UMODL1: variants seen among roughly 807,000 people sequenced by gnomAD.
UMODL1 encodes uromodulin like 1.
Under a neutral mutation model 136.3 loss-of-function variants are expected in UMODL1, and 128 were observed. The ratio of observed to expected loss-of-function variants is 0.94; its 90% CI spans 0.81 to 1.09. UMODL1 has a LOEUF of 1.09. Among genes scored for constraint, UMODL1 ranks in the 50% least tolerant of loss-of-function variants. The pLI, the probability that UMODL1 is intolerant of heterozygous loss-of-function variation, is 0.00. For synonymous variants in UMODL1, 721 were observed against 720.0 expected (o/e 1.00, Z -0.02); for missense variants, 1,766 against 1,725.6 (o/e 1.02, Z -0.41).
rs188986823 is a variant in UMODL1, at chr21:42,089,808, C to T, written c.791-490C>T. Among the ~76,000 whole-genome samples the T allele has an allele frequency of 3.2e-3, 493 of 152,332 alleles. 2 individuals carry two copies. Among genetic ancestry groups the T allele is most frequent in the Non-Finnish European group, 5.7e-3 (389 of 68,038 alleles). On this transcript the variant is annotated intron_variant, in intron 5 of 22. Coordinates refer to ENST00000408910, the MANE Select transcript of UMODL1 (RefSeq NM_001004416.3). ...TTTTGTGGGTGACACATGAGCTTATCGCGCTGTCTGTACTTAGACAGCATT... is the reference window on the plus strand; with the variant it reads ...TTTTGTGGGTGACACATGAGCTTATTGCGCTGTCTGTACTTAGACAGCATT...
intron 2 of UMODL1, among the ~76,000 whole-genome samples, chr21:42,082,663 T>C (rs2066375826): frequency 6.6e-6 from 1 of 152,156 alleles, no homozygotes; most frequent in Admixed American, 6.5e-5. Context: ...GGAGCTCCCA[T>C]CTTCTCAGCT....
chr21:42,087,196 C>T (rs547061990), intron 4 of UMODL1, among the ~76,000 whole-genome samples: 12 of 152,276 alleles, frequency 7.9e-5, no homozygotes, highest in South Asian at 2.1e-4. Context: ...CCTGCAGAAG[C>T]GCCTGCCTTG....
intron 12 of UMODL1, 131 bp downstream of exon 12, chr21:42,111,841 G>T: frequency 1.0e-6 from 1 of 999,656 alleles, no homozygotes; most frequent in Non-Finnish European, 1.4e-6. Flanking sequence ...TCCTCATCTT[G>T]TGCGTGTGGA....
At chr21:42,102,080 G>C in intron 7 of UMODL1, 86 bp from the exon 8 acceptor site, 1 of 1,009,994 alleles carries the variant, frequency 9.9e-7, no homozygotes, top group Non-Finnish European at 1.5e-6. Context: ...AAATTATCCC[G>C]CCAAAGAGTA....
intron 14 of UMODL1, among the ~76,000 whole-genome samples, chr21:42,118,389 C>A (rs546820689): frequency 4.5e-4 from 69 of 152,304 alleles, no homozygotes; most frequent in African/African-American, 1.5e-3. Context: ...TGAGGACAAA[C>A]CCTGGAAGTA....
chr21:42,063,550 C>G (rs2066158509), intron 1 of UMODL1, among the ~76,000 whole-genome samples: 1 of 152,236 alleles, frequency 6.6e-6, no homozygotes, highest in Non-Finnish European at 1.5e-5. Context: ...AAGGTCCTTC[C>G]TCCTGAGCGA....
chr21:42,125,512 C>T (rs1266922017), intron 17 of UMODL1, among the ~76,000 whole-genome samples: 2 of 152,234 alleles, frequency 1.3e-5, no homozygotes, highest in African/African-American at 4.8e-5. Flanking sequence ...TCAACAGCTA[C>T]AAAACCTTCC....
intron 20 of UMODL1, 58 bp from the exon 21 acceptor site, chr21:42,129,655 T>C: frequency 1.4e-6 from 2 of 1,462,612 alleles, no homozygotes; most frequent in Non-Finnish European, 1.8e-6. Flanking sequence ...AGTAGCTCCT[T>C]TCTCATAAAT....
Position 42,099,686 on chromosome 21 carries a change from G to A in UMODL1, c.1186+506G>A, listed in dbSNP as rs220316. On this transcript the variant is annotated intron_variant, in intron 7 of 22. Coordinates refer to ENST00000408910, the MANE Select transcript of UMODL1 (RefSeq NM_001004416.3). The surrounding 1 kb of genome is among the most constrained non-coding windows in gnomAD (Gnocchi z 4.1). ...CACCACATTGGTGCTGGGACAAAAC[G>A]TTTTTTCTTTTTGAGACAGGGTCTC... 0.28 allele frequency among the ~76,000 whole-genome samples: 42,507 copies of A among 151,796 alleles called. 6,170 individuals carry two copies. Among genetic ancestry groups the A allele is most frequent in the East Asian group, 0.36 (1,860 of 5,126 alleles).
intron 8 of UMODL1, chr21:42,103,242 C>A (rs1310630423): frequency 9.4e-6 from 2 of 213,290 alleles, no homozygotes; most frequent in Non-Finnish European, 1.9e-5. Flanking sequence ...TGCCAGAGAC[C>A]CACAGAGTGT....
chr21:42,066,315 C>T (rs2066182234), intron 1 of UMODL1, among the ~76,000 whole-genome samples: 1 of 152,260 alleles, frequency 6.6e-6, no homozygotes. Context: ...CGGAGTCTCG[C>T]TCTGTCGCCC....
intron 20 of UMODL1, among the ~76,000 whole-genome samples, chr21:42,128,604 T>C (rs2067093527): frequency 6.6e-6 from 1 of 152,202 alleles, no homozygotes; most frequent in African/African-American, 2.4e-5. Flanking sequence ...GCTCAAACAC[T>C]AGATCTTCCT....
chr21:42,084,685 C>T (rs950793850), intron 3 of UMODL1, among the ~76,000 whole-genome samples: 1 of 151,770 alleles, frequency 6.6e-6, no homozygotes, highest in African/African-American at 2.4e-5. Flanking sequence ...TTGGGGTCTG[C>T]ATCCAGGAGA....
rs540057926 is a variant in UMODL1 at position 42,091,547 on chromosome 21, G to C, written c.931+1109G>C. Among the ~76,000 whole-genome samples the C allele has an allele frequency of 4.6e-5, 7 of 152,344 alleles. No individual in the cohort carries two copies. In the South Asian group the frequency reaches 1.4e-3, roughly 32 times the overall value. On this transcript the variant is annotated intron_variant, in intron 6 of 22. Transcript: ENST00000408910. ...TCTGAGTGCAGGAGTCTAGGGTGTG[G>C]AAGGTGGTGGAGAAAGGGATTCCGG...
intron 12 of UMODL1, among the ~76,000 whole-genome samples, chr21:42,112,304 T>C (rs889910693): frequency 7.3e-5 from 11 of 149,930 alleles, no homozygotes; most frequent in African/African-American, 2.8e-4. Context: ...AGCTGTTCTG[T>C]ATCTCCCCAG....
At chr21:42,136,211 T>C (rs1042651449) in intron 21 of UMODL1, among the ~76,000 whole-genome samples, 1 of 152,162 alleles carries the variant, frequency 6.6e-6, no homozygotes, top group Non-Finnish European at 1.5e-5. Context: ...AAAATTAAAC[T>C]GAGATGAAAT....
upstream of UMODL1, among the ~76,000 whole-genome samples, chr21:42,067,056 C>A (rs1196940320): frequency 1.3e-5 from 2 of 151,788 alleles, no homozygotes; most frequent in Non-Finnish European, 2.9e-5. Flanking sequence ...CTCACTGCAA[C>A]CTCCGCCTCC....
Position 42,127,070 on chromosome 21 carries a change from A to C in UMODL1, c.3358A>C (p.Ile1120Leu), listed in dbSNP as rs1166935823. 2.5e-6 allele frequency: 4 copies of C among 1,614,066 alleles called. No homozygotes were observed. The Admixed American group carries it at 6.7e-5, about 27-fold the overall frequency. The change falls in exon 19 of 23, where the codon ATC (isoleucine) becomes CTC (leucine). Residue 1120 changes from isoleucine (I) to leucine (L), a missense_variant. By Grantham distance (5) the Ile-to-Leu change is conservative. Transcript: ENST00000408910. ...GNFVTEMQLFIGDSPIPQNYS... is the reference protein window; with the variant it reads ...GNFVTEMQLFLGDSPIPQNYS... ...TTTTGTTACCGAAATGCAGTTGTTT[A>C]TCGGAGACTCTCCCATACCTCAGAA...
intron 22 of UMODL1, among the ~76,000 whole-genome samples, chr21:42,138,563 T>A (rs993022774): frequency 2.6e-5 from 4 of 151,274 alleles, no homozygotes; most frequent in African/African-American, 9.7e-5. Context: ...CTGGGACTTT[T>A]GTAAAGATTT....
Sources: allele counts gnomAD v4.1 joint callset (sites outside exome capture counted in the v4.1 genomes callset), GRCh38; gene constraint gnomAD v4.1.1; non-coding constraint Gnocchi (gnomAD v3.1); transcripts MANE v1.5; gene names NCBI Gene and HGNC (gene_info 2026-07-23, HGNC 2026-07-21).